The following ATRNL1 variants were observed in gnomAD, a reference collection of about 807,000 sequenced individuals.
The protein encoded by ATRNL1 is attractin-like protein 1.
ATRNL1 carries 95 observed loss-of-function variants against 182.7 expected under a neutral mutation model. That is an observed-to-expected ratio of 0.52 (90% CI 0.44 to 0.62). The LOEUF (loss-of-function observed/expected upper bound fraction) is 0.62. Ranked by LOEUF, ATRNL1 falls within the 20% of genes least tolerant of loss-of-function variation. The pLI is 0.00. For missense variants in ATRNL1, 1,471 were observed against 1,679.5 expected (o/e 0.88, Z 2.17); for synonymous variants, 576 against 568.3 (o/e 1.01, Z -0.19).
At chr10:115,219,965 C>A (rs1554897067) in intron 9 of ATRNL1, among the ~76,000 whole-genome samples, 1 of 152,124 alleles carries the variant, frequency 6.6e-6, no homozygotes, top group Admixed American at 6.5e-5. Flanking sequence ...GCACAGCCTC[C>A]TGAAAAATAT....
At chr10:115,356,260 A>C (rs74159847) in intron 19 of ATRNL1, among the ~76,000 whole-genome samples, 3,188 of 152,206 alleles carry the variant, frequency 0.021, 108 homozygotes, top group African/African-American at 0.072. Flanking sequence ...TAATTCTCTC[A>C]AACTAGGAAC....
At chr10:115,245,721 T>G (rs1323763632) in intron 10 of ATRNL1, among the ~76,000 whole-genome samples, 1 of 152,132 alleles carries the variant, frequency 6.6e-6, no homozygotes, top group Non-Finnish European at 1.5e-5. Context: ...ATCTGCTTGC[T>G]TTTCATGTTT....
chr10:115,307,625 C>A (rs1290276459), intron 17 of ATRNL1, among the ~76,000 whole-genome samples: 2 of 152,140 alleles, frequency 1.3e-5, no homozygotes, highest in African/African-American at 4.8e-5. Context: ...TGAACATTGC[C>A]TCAAGGAGAC....
At chr10:115,723,319 T>G (rs1947489962) in intron 26 of ATRNL1, among the ~76,000 whole-genome samples, 1 of 152,104 alleles carries the variant, frequency 6.6e-6, no homozygotes, top group East Asian at 1.9e-4. Context: ...CTGCTTTGTT[T>G]TTTATGTATG....
intron 18 of ATRNL1, among the ~76,000 whole-genome samples, chr10:115,317,013 G>T (rs1200434284): frequency 3.9e-5 from 6 of 152,152 alleles, no homozygotes; most frequent in Non-Finnish European, 7.4e-5. Context: ...AAATGTTATT[G>T]CCTAGGTTTT....
intron 8 of ATRNL1, among the ~76,000 whole-genome samples, chr10:115,206,628 A>G (rs944640012): frequency 2.6e-5 from 4 of 152,146 alleles, no homozygotes; most frequent in Non-Finnish European, 5.9e-5. Context: ...ATATTTATCC[A>G]CATATTAACT....
chr10:115,855,998 A>T (rs1951171069), intron 28 of ATRNL1, among the ~76,000 whole-genome samples: 1 of 152,156 alleles, frequency 6.6e-6, no homozygotes, highest in Admixed American at 6.5e-5. Flanking sequence ...ACTCAATTCT[A>T]CCCTTTATGA....
At chr10:115,146,560 T>C (rs1210508334) in intron 5 of ATRNL1, among the ~76,000 whole-genome samples, 1 of 152,072 alleles carries the variant, frequency 6.6e-6, no homozygotes, top group African/African-American at 2.4e-5. Context: ...TTGAATATTA[T>C]AATTTGTATC....
At chr10:115,591,936 A>G (rs1365083051) in intron 26 of ATRNL1, among the ~76,000 whole-genome samples, 2 of 152,212 alleles carry the variant, frequency 1.3e-5, no homozygotes, top group Admixed American at 1.3e-4. Context: ...GCCCATTGAA[A>G]TTGGAGTAGT....
rs781847610 is a variant in ATRNL1 at position 115,300,206 on chromosome 10, G to C, written c.2588G>C (p.Cys863Ser). ...AAVAGLKANPCTSMANGLVCE... is the reference protein window; with the variant it reads ...AAVAGLKANPSTSMANGLVCE... ...GTGGCAGGCTTAAAAGCTAATCCTT[G>C]TACATCTATGGCAAATGGCCTTGTC... is the stretch of plus-strand genomic sequence containing the variant. The change falls in exon 16 of 29, where the codon TGT (cysteine) becomes TCT (serine). Residue 863 changes from cysteine (C) to serine (S), a missense_variant. Around this residue, in one of 3 missense-constraint regions of ATRNL1, gnomAD observed 1,031 missense variants for 1,156.0 expected, o/e 0.89. Transcript: ENST00000355044. The C allele has an allele frequency of 6.2e-7, 1 of 1,613,966 alleles. No individual in the cohort carries two copies. The highest frequency in any genetic ancestry group is 1.1e-5 in the South Asian group (1 of 91,078).
rs569803632 is a variant in ATRNL1 at position 115,185,719 on chromosome 10, C to T, written c.1348+14427C>T. On this transcript the variant is annotated intron_variant, in intron 8 of 28. Transcript: ENST00000355044. Reference sequence around the variant, plus strand: ...ATGAAATTTTTTTATGAGATATGCACGGCATTTAAGTCTCCCCTACAGATT... The same window carrying T: ...ATGAAATTTTTTTATGAGATATGCATGGCATTTAAGTCTCCCCTACAGATT... Among the ~76,000 whole-genome samples, 6 of 151,994 alleles carry T rather than the reference C, an allele frequency of 3.9e-5. No individual in the cohort carries two copies. In the East Asian group the frequency reaches 7.8e-4, roughly 20 times the overall value.
At chr10:115,648,451 CTACTT>C (rs1321888889) in intron 26 of ATRNL1, among the ~76,000 whole-genome samples, 5 of 152,260 alleles carry the variant, frequency 3.3e-5, no homozygotes, top group Non-Finnish European at 5.9e-5. Context: ...TTGGAAAAAA[CTACTT>C]TAAAGTTCAC....
intron 5 of ATRNL1, among the ~76,000 whole-genome samples, chr10:115,149,704 T>C (rs1243201755): frequency 1.3e-5 from 2 of 152,132 alleles, no homozygotes; most frequent in Non-Finnish European, 2.9e-5. Flanking sequence ...GATCATGGTT[T>C]ATTATTTTTT....
At chr10:115,818,782 G>T (rs1950226136) in intron 27 of ATRNL1, among the ~76,000 whole-genome samples, 1 of 151,958 alleles carries the variant, frequency 6.6e-6, no homozygotes, top group Non-Finnish European at 1.5e-5. Context: ...TTTTTGTACT[G>T]CCAGTTCCTC....
Position 115,621,276 on chromosome 10 carries a change from T to TAG in ATRNL1, c.3795+71777_3795+71778dup, listed in dbSNP as rs1157745862. Reference sequence around the variant, plus strand: ...CTGAATATATATATATATATATATATAGAGAGAGAGAGAGAGAGAGAGAGA... The same window carrying TAG: ...CTGAATATATATATATATATATATATAGAGAGAGAGAGAGAGAGAGAGAGAGA... On this transcript the variant is annotated intron_variant, in intron 26 of 28. Coordinates refer to ENST00000355044, the MANE Select transcript of ATRNL1 (RefSeq NM_207303.4). 3.6e-3 allele frequency among the ~76,000 whole-genome samples: 170 copies of TAG among 47,512 alleles called. 1 individual carries two copies. The highest frequency in any genetic ancestry group is 0.021 in the East Asian group (38 of 1,850). 31.2% of individuals were successfully genotyped at this position (47,512 alleles called of 152,430 possible). A position where few individuals can be genotyped will look rare whatever the true frequency, so the allele number is the denominator to read the frequency against.
chr10:115,451,234 C>A (rs1554967582), intron 21 of ATRNL1, among the ~76,000 whole-genome samples: 2 of 152,080 alleles, frequency 1.3e-5, no homozygotes, highest in East Asian at 3.9e-4. Flanking sequence ...ACAAAGACAC[C>A]AAAAGCAATT....
At position 115,730,681 on chromosome 10, in the gene ATRNL1, C is replaced by CT. The variant is rs1947770805; in HGVS notation, c.3903+3330dup. On this transcript the variant is annotated intron_variant, in intron 27 of 28. Coordinates refer to ENST00000355044, the MANE Select transcript of ATRNL1 (RefSeq NM_207303.4). ...ATGTTTAGGGTTATCTAGCCATCTG[C>CT]TTTTATAGCTATGGGATTTCTTCCC... is the stretch of plus-strand genomic sequence containing the variant. Among the ~76,000 whole-genome samples, 3 of 152,032 alleles carry CT rather than the reference C, an allele frequency of 2.0e-5. No homozygotes were observed. In the South Asian group the frequency reaches 6.2e-4, roughly 32 times the overall value.
chr10:115,938,820 G>T (rs1244163686), intron 28 of ATRNL1, among the ~76,000 whole-genome samples: 12 of 152,098 alleles, frequency 7.9e-5, no homozygotes, highest in African/African-American at 2.7e-4. Context: ...GAAATTGAGA[G>T]TTGAAAGCTG....
chr10:115,139,583 A>C (rs1320170829), intron 5 of ATRNL1, among the ~76,000 whole-genome samples: 3 of 152,184 alleles, frequency 2.0e-5, no homozygotes, highest in African/African-American at 4.8e-5. Flanking sequence ...AGCACAGGAA[A>C]GACCTACCCC....
Sources: allele counts gnomAD v4.1 joint callset (sites outside exome capture counted in the v4.1 genomes callset), GRCh38; gene constraint gnomAD v4.1.1; regional missense constraint gnomAD v4.1.1; transcripts MANE v1.5; gene names NCBI Gene and HGNC (gene_info 2026-07-23, HGNC 2026-07-21).